SLC25A37: variants seen among roughly 807,000 people sequenced by gnomAD.
SLC25A37 encodes the protein mitoferrin-1.
SLC25A37 carries 17 observed loss-of-function variants against 31.0 expected under a neutral mutation model. That is an observed-to-expected ratio of 0.55 (90% CI 0.38 to 0.82). SLC25A37 has a LOEUF of 0.82. Among genes scored for constraint, SLC25A37 ranks in the 40% least tolerant of loss-of-function variants. SLC25A37 has a pLI of 0.00. For missense variants in SLC25A37, 404 were observed against 465.8 expected (o/e 0.87, Z 1.22); for synonymous variants, 222 against 193.0 (o/e 1.15, Z -1.24).
At chr8:23,569,402 TACAC>T (rs10608830) in intron 3 of SLC25A37, among the ~76,000 whole-genome samples, 43,491 of 150,182 alleles carry the variant, frequency 0.29, 7,322 homozygotes, top group Non-Finnish European at 0.39. Flanking sequence ...TATGTGTGCA[TACAC>T]ACACACACAC....
rs566810486 is a variant in SLC25A37 at position 23,534,534 on chromosome 8, A to G, written c.210+5322A>G. On this transcript the variant is annotated intron_variant, in intron 1 of 3. Transcript: ENST00000519973. ...GCCTTGTGGAAGTTCCTTGTTAACAAGCTCCCTTACATCTTCCCCTCTTTA... is the reference window on the plus strand; with the variant it reads ...GCCTTGTGGAAGTTCCTTGTTAACAGGCTCCCTTACATCTTCCCCTCTTTA... Among the ~76,000 whole-genome samples, 5 of 152,100 alleles carry G rather than the reference A, an allele frequency of 3.3e-5. No homozygotes were observed. The East Asian group carries it at 9.7e-4, about 29-fold the overall frequency.
rs543964757 is a variant in SLC25A37 at position 23,559,364 on chromosome 8, C to T, written c.211-6744C>T. On this transcript the variant is annotated intron_variant, in intron 1 of 3. Transcript: ENST00000519973. ...GTGTGTGTGTGTGTGCGTGTGTGTG[C>T]GCGCGCGCGTGTGTGTGTTTATTTT... is the stretch of plus-strand genomic sequence containing the variant. Among the ~76,000 whole-genome samples, 101 of 151,678 alleles carry T rather than the reference C, an allele frequency of 6.7e-4. 1 individual carries two copies. The Middle Eastern group carries it at 0.01, about 15-fold the overall frequency.
At chr8:23,568,240 G>A (rs1291632800) in intron 2 of SLC25A37, 82 bp from the exon 3 acceptor site, 6 of 1,495,162 alleles carry the variant, frequency 4.0e-6, no homozygotes, top group Non-Finnish European at 4.7e-6. Flanking sequence ...GCTAAGTCCT[G>A]GGTTCCGTCT....
intron 1 of SLC25A37, among the ~76,000 whole-genome samples, chr8:23,543,920 G>A (rs2117402146): frequency 6.6e-6 from 1 of 152,094 alleles, no homozygotes; most frequent in Non-Finnish European, 1.5e-5. Flanking sequence ...GAATGCAGTG[G>A]CAGAATCTCG....
chr8:23,566,519 C>T, intron 2 of SLC25A37, 183 bp downstream of exon 2: 1 of 1,353,956 alleles, frequency 7.4e-7, no homozygotes. Flanking sequence ...CGCGCGCACA[C>T]ACATGCTTTT....
intron 1 of SLC25A37, among the ~76,000 whole-genome samples, chr8:23,545,589 A>G (rs1802013615): frequency 6.6e-6 from 1 of 152,172 alleles, no homozygotes; most frequent in South Asian, 2.1e-4. Context: ...CTTTGTTACA[A>G]AATCTCTTTG....
chr8:23,538,392 A>AC (rs1421558004), intron 1 of SLC25A37, among the ~76,000 whole-genome samples: 3 of 143,884 alleles, frequency 2.1e-5, no homozygotes, highest in Admixed American at 2.0e-4. Flanking sequence ...AAAAAAAAAA[A>AC]AAAAAAAAAA....
At chr8:23,562,552 T>C (rs1202050790) in intron 1 of SLC25A37, among the ~76,000 whole-genome samples, 3 of 152,124 alleles carry the variant, frequency 2.0e-5, no homozygotes, top group Non-Finnish European at 4.4e-5. Flanking sequence ...AGATCTGCTG[T>C]GAACAAGACA....
intron 1 of SLC25A37, among the ~76,000 whole-genome samples, chr8:23,553,342 AC>A (rs968863693): frequency 1.3e-5 from 2 of 151,748 alleles, no homozygotes; most frequent in African/African-American, 4.8e-5. Flanking sequence ...GATGGCTTGA[AC>A]CCGGGGGCTG....
At chr8:23,552,369 T>C (rs537022133) in intron 1 of SLC25A37, among the ~76,000 whole-genome samples, 1 of 152,350 alleles carries the variant, frequency 6.6e-6, no homozygotes, top group Non-Finnish European at 1.5e-5. Flanking sequence ...GAAGTTAAGT[T>C]ACTTATCCAA....
rs1033172366 is a variant in SLC25A37, at chr8:23,571,997, G to A, written c.*142G>A. The A allele has an allele frequency of 3.3e-6, 3 of 916,880 alleles. No homozygotes were observed. Among genetic ancestry groups the A allele is most frequent in the Non-Finnish European group, 4.9e-6 (3 of 615,092 alleles). 56.8% of individuals were successfully genotyped at this position (916,880 alleles called of 1,614,324 possible). A position where few individuals can be genotyped will look rare whatever the true frequency, so the allele number is the denominator to read the frequency against. On this transcript the variant is annotated 3_prime_UTR_variant, in exon 4 of 4. Transcript: ENST00000519973. ...CTCCCCAATGCCTTAGAGAGAGGAGGGGACGGCACGGCCGCTCACCGGAAG... is the reference window on the plus strand; with the variant it reads ...CTCCCCAATGCCTTAGAGAGAGGAGAGGACGGCACGGCCGCTCACCGGAAG...
chr8:23,559,837 C>CT (rs1802468241), intron 1 of SLC25A37, among the ~76,000 whole-genome samples: 1 of 152,114 alleles, frequency 6.6e-6, no homozygotes, highest in Admixed American at 6.5e-5. Context: ...ATTTTCTTTC[C>CT]TTTTTTAAGG....
At chr8:23,549,789 A>G (rs1302893089) in intron 1 of SLC25A37, among the ~76,000 whole-genome samples, 2 of 102,478 alleles carry the variant, frequency 2.0e-5, no homozygotes, top group African/African-American at 1.5e-4. Flanking sequence ...GCCCCCTGGC[A>G]TCTCTAAATT....
chr8:23,568,948 G>GAA (rs36012601), intron 3 of SLC25A37: 7 of 120,458 alleles, frequency 5.8e-5, no homozygotes, highest in East Asian at 4.8e-4. Context: ...ATCTCAAAAG[G>GAA]AAAAAAAAAA....
chr8:23,573,770 G>T lies in SLC25A37; in HGVS notation c.*1915G>T, dbSNP rs767822767. ...AACAGCCCTTTGCAGCTGGGCTGTGGGGCTTGGCTGCTGCCCTGTCCCATC... is the reference window on the plus strand; with the variant it reads ...AACAGCCCTTTGCAGCTGGGCTGTGTGGCTTGGCTGCTGCCCTGTCCCATC... On this transcript the variant is annotated 3_prime_UTR_variant, in exon 4 of 4. Transcript: ENST00000519973. The T allele has an allele frequency of 2.2e-6, 1 of 455,592 alleles. No homozygotes were observed. 28.2% of individuals were successfully genotyped at this position (455,592 alleles called of 1,614,324 possible).
intron 1 of SLC25A37, among the ~76,000 whole-genome samples, chr8:23,549,665 C>T (rs33963055): frequency 0.16 from 23,993 of 152,118 alleles, 2,298 homozygotes; most frequent in South Asian, 0.28. Context: ...AACATCCCTT[C>T]GAGCTGTGGC....
chr8:23,549,712 A>T (rs1338795946), intron 1 of SLC25A37, among the ~76,000 whole-genome samples: 2 of 101,218 alleles, frequency 2.0e-5, no homozygotes, highest in South Asian at 2.8e-4. Context: ...GTTAGTCACT[A>T]TCAAGTTAGA....
At chr8:23,538,732 A>G (rs947885993) in intron 1 of SLC25A37, among the ~76,000 whole-genome samples, 2 of 152,170 alleles carry the variant, frequency 1.3e-5, no homozygotes, top group African/African-American at 4.8e-5. Flanking sequence ...TCCTATAATT[A>G]GACCCTGAGC....
chr8:23,532,445 C>A (rs536577606), intron 1 of SLC25A37, among the ~76,000 whole-genome samples: 1 of 152,138 alleles, frequency 6.6e-6, no homozygotes, highest in African/African-American at 2.4e-5. Context: ...GGGGTGGATA[C>A]AAGAACCCCT....
Sources: gnomAD v4.1 joint callset for allele counts (sites outside exome capture counted in the v4.1 genomes callset) on GRCh38, gnomAD v4.1.1 for gene constraint, MANE v1.5 for transcripts, NCBI Gene and HGNC (gene_info 2026-07-23, HGNC 2026-07-21) for gene names.